Variants in ELAPOR2 observed in about 807,000 individuals in gnomAD.
ELAPOR2 encodes endosome/lysosome-associated apoptosis and autophagy regulator family member 2.
Under a neutral mutation model 120.7 loss-of-function variants are expected in ELAPOR2, and 89 were observed. That is an observed-to-expected ratio of 0.74 (90% CI 0.62 to 0.88). The LOEUF is 0.88. ELAPOR2 is among the 40% of genes least tolerant of loss of function. The pLI, the probability that ELAPOR2 is intolerant of heterozygous loss-of-function variation, is 0.00. For synonymous variants in ELAPOR2, 444 were observed against 444.9 expected, an observed-to-expected ratio of 1.00 and a Z score of 0.03; for missense variants, 1,134 against 1,251.6, an observed-to-expected ratio of 0.91 and a Z score of 1.42.
intron 1 of ELAPOR2, among the ~76,000 whole-genome samples, chr7:87,033,718 A>G (rs1794490509): frequency 6.6e-6 from 1 of 152,150 alleles, no homozygotes; most frequent in Non-Finnish European, 1.5e-5. Flanking sequence ...ACAGCTGAGA[A>G]TGAAAGAAAA....
At chr7:86,909,166 C>T (rs1018463982) in intron 16 of ELAPOR2, among the ~76,000 whole-genome samples, 8 of 151,994 alleles carry the variant, frequency 5.3e-5, no homozygotes, top group Non-Finnish European at 7.4e-5. Flanking sequence ...AAAGTCAATG[C>T]TAAATTCCTC....
chr7:86,974,043 C>CT (rs1001237387), intron 1 of ELAPOR2, among the ~76,000 whole-genome samples: 25 of 148,138 alleles, frequency 1.7e-4, no homozygotes, highest in Admixed American at 2.7e-4. Context: ...TAGTAATTTT[C>CT]TTTTTTTTTT....
intron 1 of ELAPOR2, among the ~76,000 whole-genome samples, chr7:86,977,836 T>C (rs1388050994): frequency 6.6e-6 from 1 of 152,244 alleles, no homozygotes; most frequent in African/African-American, 2.4e-5. Flanking sequence ...AGCACATTTA[T>C]TTAAAAATTA....
chr7:87,030,800 T>G (rs994549806), intron 1 of ELAPOR2, among the ~76,000 whole-genome samples: 3 of 152,128 alleles, frequency 2.0e-5, no homozygotes, highest in African/African-American at 7.2e-5. Flanking sequence ...CCACCAGGTT[T>G]GTAGGTGGGG....
chr7:86,888,613 A>G (rs1245802702), intron 21 of ELAPOR2, among the ~76,000 whole-genome samples: 2 of 152,166 alleles, frequency 1.3e-5, no homozygotes, highest in East Asian at 3.9e-4. Flanking sequence ...AAATGGCCTC[A>G]GCCCCTGCCC....
intron 1 of ELAPOR2, among the ~76,000 whole-genome samples, chr7:87,032,163 T>A (rs1794442784): frequency 6.6e-6 from 1 of 152,194 alleles, no homozygotes; most frequent in East Asian, 1.9e-4. Context: ...ACTTCAAATA[T>A]ATGTATCTGA....
At chr7:87,051,799 CT>C (rs1795110362) in intron 1 of ELAPOR2, among the ~76,000 whole-genome samples, 1 of 152,226 alleles carries the variant, frequency 6.6e-6, no homozygotes, top group South Asian at 2.1e-4. Context: ...ACCATACTCT[CT>C]TAATATTACC....
chr7:87,052,020 G>A (rs1795116074), intron 1 of ELAPOR2, among the ~76,000 whole-genome samples: 1 of 152,204 alleles, frequency 6.6e-6, no homozygotes, highest in Non-Finnish European at 1.5e-5. Flanking sequence ...GAATCTCATG[G>A]TCCATTTGAT....
chr7:87,012,567 A>G (rs1426639139), intron 1 of ELAPOR2, among the ~76,000 whole-genome samples: 1 of 152,194 alleles, frequency 6.6e-6, no homozygotes, highest in Non-Finnish European at 1.5e-5. Flanking sequence ...GACAGGCATT[A>G]CACAACAGAT....
intron 1 of ELAPOR2, among the ~76,000 whole-genome samples, chr7:87,032,656 T>C (rs1455720798): frequency 2.0e-5 from 3 of 152,188 alleles, no homozygotes; most frequent in Non-Finnish European, 4.4e-5. Context: ...CCAGTACCTA[T>C]CATGTGCTTC....
chr7:87,038,582 A>G (rs1390730601), intron 1 of ELAPOR2, among the ~76,000 whole-genome samples: 2 of 152,170 alleles, frequency 1.3e-5, no homozygotes, highest in Non-Finnish European at 2.9e-5. Flanking sequence ...AAACAATATC[A>G]AGCAGCTTCT....
intron 21 of ELAPOR2, among the ~76,000 whole-genome samples, chr7:86,881,069 A>G (rs983442149): frequency 4.6e-5 from 7 of 152,210 alleles, no homozygotes; most frequent in African/African-American, 1.7e-4. Flanking sequence ...CATCTTTGAT[A>G]ATAGGTCAAA....
intron 1 of ELAPOR2, among the ~76,000 whole-genome samples, chr7:86,966,894 C>G (rs569824356): frequency 6.6e-6 from 1 of 152,124 alleles, no homozygotes; most frequent in East Asian, 1.9e-4. Flanking sequence ...GGTACCATTG[C>G]CTTCTCCTCC....
At chr7:87,021,787 C>A (rs1202214537) in intron 1 of ELAPOR2, among the ~76,000 whole-genome samples, 1 of 152,136 alleles carries the variant, frequency 6.6e-6, no homozygotes, top group East Asian at 1.9e-4. Flanking sequence ...TCTTACAAAC[C>A]TGAAGAACAT....
At chr7:86,897,417 G>A in intron 19 of ELAPOR2, 89 bp downstream of exon 19, 2 of 1,442,016 alleles carry the variant, frequency 1.4e-6, no homozygotes, top group Non-Finnish European at 1.9e-6. Context: ...ACAAGCTTTT[G>A]CCATACTTCT....
intron 2 of ELAPOR2, among the ~76,000 whole-genome samples, chr7:86,962,297 A>G (rs1324459673): frequency 6.6e-6 from 1 of 152,158 alleles, no homozygotes; most frequent in Non-Finnish European, 1.5e-5. Flanking sequence ...ATACCCAATT[A>G]CATTTTAAAG....
At chr7:86,980,469 G>A (rs529780836) in intron 1 of ELAPOR2, among the ~76,000 whole-genome samples, 6 of 152,150 alleles carry the variant, frequency 3.9e-5, no homozygotes, top group Admixed American at 1.3e-4. Context: ...CAGTCTTTAC[G>A]GACACCTTCC....
At chr7:86,960,488 T>C (rs2116460559) in intron 2 of ELAPOR2, among the ~76,000 whole-genome samples, 1 of 152,170 alleles carries the variant, frequency 6.6e-6, no homozygotes, top group Admixed American at 6.5e-5. Flanking sequence ...CCTGACCTCA[T>C]GATCCACCAA....
intron 1 of ELAPOR2, among the ~76,000 whole-genome samples, chr7:87,029,940 A>T (rs1794373544): frequency 6.6e-6 from 1 of 152,154 alleles, no homozygotes. Context: ...CAGATGGAAT[A>T]GGATGAGGAT....
Sources: allele counts gnomAD v4.1 joint callset (sites outside exome capture counted in the v4.1 genomes callset), GRCh38; gene constraint gnomAD v4.1.1; transcripts MANE v1.5; gene names NCBI Gene and HGNC (gene_info 2026-07-23, HGNC 2026-07-21).